The following ACAA1 variants were observed in gnomAD, a reference collection of about 807,000 sequenced individuals.
ACAA1 encodes acetyl-CoA acyltransferase 1, also known as 3-ketoacyl-CoA thiolase, peroxisomal.
In ACAA1, 44 loss-of-function variants were observed where a neutral mutation model predicts 48.8. The ratio of observed to expected loss-of-function variants is 0.90; its 90% CI spans 0.71 to 1.16. The LOEUF is 1.16. Ranked by LOEUF, ACAA1 falls within the 50% of genes most tolerant of loss-of-function variation. The pLI is 0.00. For missense variants in ACAA1, 512 were observed against 562.3 expected, an observed-to-expected ratio of 0.91 and a Z score of 0.90; for synonymous variants, 233 against 226.5, an observed-to-expected ratio of 1.03 and a Z score of -0.26.
In ACAA1 at chr3:38,122,935, GCCACCA is replaced by G. The variant is rs1416133051; in HGVS notation, c.*106_*111del. On this transcript the variant is annotated 3_prime_UTR_variant, in exon 12 of 12. Coordinates refer to ENST00000333167, the MANE Select transcript of ACAA1 (RefSeq NM_001607.4). ...GTTGAAGTGCCTTGATCTGTCCACT[GCCACCA>G]CCACCAGTGCTGAGTTTTCCCATGT... 7.2e-6 allele frequency: 8 copies of G among 1,107,196 alleles called. No homozygotes were observed. The highest frequency in any genetic ancestry group is 2.4e-5 in the East Asian group (1 of 41,934). The allele number at this position is 1,107,196 out of a possible 1,614,324, so 68.6% of individuals were successfully genotyped here. A position where few individuals can be genotyped will look rare whatever the true frequency, so the allele number is the denominator to read the frequency against.
In ACAA1 at chr3:38,136,943, CG is replaced by C. The variant is rs1183810406; in HGVS notation, c.92del (p.Pro31ArgfsTer39). 1 of 1,544,070 alleles carries C rather than the reference CG, an allele frequency of 6.5e-7. No homozygotes were observed. On this transcript the variant is annotated frameshift_variant, in exon 1 of 12. Transcript: ENST00000333167. LOFTEE classifies it high-confidence loss of function. Reference protein sequence around the residue: ...PQAAPCLSGAPQASAADVVVV... With the variant: ...PQAAPCLSGAXQASAADVVVV... ...CCACCACGTCCGCGGCCGAGGCCTG[CG>C]GGGCACCGCTCAGGCAAGGCGCGGC...
At chr3:38,133,233 T>C (rs1016555644) in intron 3 of ACAA1, among the ~76,000 whole-genome samples, 11 of 152,088 alleles carry the variant, frequency 7.2e-5, no homozygotes, top group Admixed American at 2.0e-4. Flanking sequence ...GGGAAGACAG[T>C]AGGCCCACAG....
Position 38,129,390 on chromosome 3 carries a change from T to G in ACAA1, c.447-2A>C. On this transcript the variant is annotated splice_acceptor_variant, in intron 5 of 11. Transcript: ENST00000333167. LOFTEE classifies it high-confidence loss of function. The surrounding 1 kb of genome is among the most constrained non-coding windows in gnomAD (Gnocchi z 5.3). The stretch of plus-strand genomic sequence containing the variant: ...TCAGCCAGGGACATGGACTCCACCC[T>G]GGGGAGGAGGAAGAGGAGGAGAAGG... 1 of 1,611,690 alleles carries G rather than the reference T, an allele frequency of 6.2e-7. No homozygotes were observed. Among genetic ancestry groups the G allele is most frequent in the Non-Finnish European group, 8.5e-7 (1 of 1,177,936 alleles).
chr3:38,136,997 A>AC lies in ACAA1; in HGVS notation c.38dup (p.Pro14SerfsTer96). 6.4e-7 allele frequency: 1 copy of AC among 1,564,614 alleles called. No homozygotes were observed. Among genetic ancestry groups the AC allele is most frequent in the Non-Finnish European group, 8.6e-7 (1 of 1,157,116 alleles). The stretch of plus-strand genomic sequence containing the variant: ...GCGGCATCCAGCCGGAATCGGCCGG[A>AC]CCCCTCAGGTGGCCCAGCACTACCT... On this transcript the variant is annotated frameshift_variant, in exon 1 of 12. Transcript: ENST00000333167. LOFTEE classifies it high-confidence loss of function.
rs1463569504 is a variant in ACAA1 at position 38,134,101 on chromosome 3, C to A, written c.266-92G>T. 11 of 1,304,220 alleles carry A rather than the reference C, an allele frequency of 8.4e-6. 1 individual carries two copies. In the South Asian group the frequency reaches 1.2e-4, roughly 15 times the overall value. 80.8% of individuals were successfully genotyped at this position (1,304,220 alleles called of 1,614,324 possible). ...AAACCAGAGATGAGGCATTCCAGAT[C>A]TTTCTTCGGGACACTAGCCCTTGGC... is the stretch of plus-strand genomic sequence containing the variant. On this transcript the variant is annotated intron_variant, in intron 2 of 11. Coordinates refer to ENST00000333167, the MANE Select transcript of ACAA1 (RefSeq NM_001607.4).
In ACAA1 at chr3:38,129,474, C is replaced by T; in HGVS notation, c.447-86G>A. On this transcript the variant is annotated intron_variant, in intron 5 of 11. Coordinates refer to ENST00000333167, the MANE Select transcript of ACAA1 (RefSeq NM_001607.4). The surrounding 1 kb of genome is among the most constrained non-coding windows in gnomAD (Gnocchi z 5.3). ...GAGATAGCTGAACACTTGGCAAGTG[C>T]TAGGAAATAGCCAGGGAGCCCTAGG... is the stretch of plus-strand genomic sequence containing the variant. 3.6e-6 allele frequency: 4 copies of T among 1,109,012 alleles called. No individual in the cohort carries two copies. The highest frequency in any genetic ancestry group is 2.7e-6 in the Non-Finnish European group (2 of 753,876). 68.7% of individuals were successfully genotyped at this position (1,109,012 alleles called of 1,614,324 possible).
chr3:38,127,542 G>C, intron 7 of ACAA1: 1 of 557,434 alleles, frequency 1.8e-6, no homozygotes, highest in South Asian at 2.0e-5. Flanking sequence ...AATAACAGAG[G>C]GGGAAACTGA....
intron 6 of ACAA1, 55 bp from the exon 7 acceptor site, chr3:38,127,921 G>T: frequency 6.3e-7 from 1 of 1,579,728 alleles, no homozygotes; most frequent in South Asian, 1.1e-5. Flanking sequence ...TAGAGGAAGG[G>T]ACCAGGCTGT....
intron 3 of ACAA1, among the ~76,000 whole-genome samples, chr3:38,133,316 A>C (rs950694403): frequency 6.6e-6 from 1 of 152,138 alleles, no homozygotes; most frequent in African/African-American, 2.4e-5. Context: ...CTGGAGCCAG[A>C]TTGTAGGGGG....
At chr3:38,125,740 C>T (rs1364317570) in intron 10 of ACAA1, 30 bp from the exon 11 acceptor site, 1 of 1,613,634 alleles carries the variant, frequency 6.2e-7, no homozygotes. Context: ...CACCTATAGC[C>T]CTCTTACCCC....
At chr3:38,136,485 G>T in intron 2 of ACAA1, 107 bp downstream of exon 2, 1 of 1,212,116 alleles carries the variant, frequency 8.3e-7, no homozygotes, top group Non-Finnish European at 1.2e-6. Context: ...AAAGGTCAAG[G>T]CCATGGAGGT....
intron 3 of ACAA1, among the ~76,000 whole-genome samples, chr3:38,132,765 C>G (rs532977971): frequency 6.6e-6 from 1 of 152,270 alleles, no homozygotes; most frequent in Non-Finnish European, 1.5e-5. Context: ...AGTTGGGAAC[C>G]TCTGAACTAG....
At position 38,131,698 on chromosome 3, in the gene ACAA1, G is replaced by C. The variant is rs1266377001; in HGVS notation, c.404-60C>G. ...AGAGTCCACCTGTTCTGGAAGCAGTGGAGCCTCTTCCCCACCTGGTCTCTA... is the reference window on the plus strand; with the variant it reads ...AGAGTCCACCTGTTCTGGAAGCAGTCGAGCCTCTTCCCCACCTGGTCTCTA... On this transcript the variant is annotated intron_variant, in intron 4 of 11. Coordinates refer to ENST00000333167, the MANE Select transcript of ACAA1 (RefSeq NM_001607.4). 8 of 1,568,332 alleles carry C rather than the reference G, an allele frequency of 5.1e-6. No individual in the cohort carries two copies. The African/African-American group carries it at 1.1e-4, about 21-fold the overall frequency.
chr3:38,125,916 G>A (rs1700671260), intron 9 of ACAA1, 35 bp from the exon 10 acceptor site: 1 of 1,613,824 alleles, frequency 6.2e-7, no homozygotes, highest in Non-Finnish European at 8.5e-7. Flanking sequence ...CTGACACACT[G>A]GCCCTCTGCC....
intron 11 of ACAA1, chr3:38,124,756 G>A (rs1215561635): frequency 6.6e-6 from 1 of 152,202 alleles, no homozygotes; most frequent in African/African-American, 2.4e-5. Flanking sequence ...ACATGCACAA[G>A]GCTTACAAAG....
At chr3:38,128,627 T>C (rs1164474044) in intron 6 of ACAA1, among the ~76,000 whole-genome samples, 3 of 152,148 alleles carry the variant, frequency 2.0e-5, no homozygotes, top group Non-Finnish European at 2.9e-5. Context: ...AGTCTCCCTC[T>C]GTCACCCAGG....
At chr3:38,136,054 A>C (rs1181384478) in intron 2 of ACAA1, among the ~76,000 whole-genome samples, 1 of 152,188 alleles carries the variant, frequency 6.6e-6, no homozygotes, top group Non-Finnish European at 1.5e-5. Flanking sequence ...GACTTTTACC[A>C]AGCATACTGC....
chr3:38,123,020 C>A lies in ACAA1; in HGVS notation c.*27G>T, dbSNP rs759612257. 1.2e-6 allele frequency: 2 copies of A among 1,612,146 alleles called. No homozygotes were observed. The highest frequency in any genetic ancestry group is 1.7e-5 in the Admixed American group (1 of 60,018). The stretch of plus-strand genomic sequence containing the variant: ...GCTGCTAGAGCAGCAGGACTGTCTG[C>A]GTAGCGCCTCCAGCCTGGGACCTCA... On this transcript the variant is annotated 3_prime_UTR_variant, in exon 12 of 12. Coordinates refer to ENST00000333167, the MANE Select transcript of ACAA1 (RefSeq NM_001607.4).
At chr3:38,125,932 TG>T in intron 9 of ACAA1, 51 bp from the exon 10 acceptor site, 1 of 1,608,624 alleles carries the variant, frequency 6.2e-7, no homozygotes, top group Non-Finnish European at 8.5e-7. Flanking sequence ...CTGCCTCCCC[TG>T]GGGCCCACCC....
Sources: gnomAD v4.1 joint callset for allele counts (sites outside exome capture counted in the v4.1 genomes callset) on GRCh38, gnomAD v4.1.1 for gene constraint, Gnocchi (gnomAD v3.1) non-coding constraint, MANE v1.5 for transcripts, NCBI Gene and HGNC (gene_info 2026-07-23, HGNC 2026-07-21) for gene names.